Variants in WDR90 observed in about 807,000 individuals in gnomAD.
The protein encoded by WDR90 is WD repeat domain 90, also known as WD repeat-containing protein 90.
A neutral mutation model predicts 195.2 loss-of-function variants in WDR90; 238 were observed. The ratio of observed to expected loss-of-function variants is 1.22; its 90% CI spans 1.10 to 1.36. The LOEUF is 1.36. Ranked by LOEUF, WDR90 falls within the 40% of genes most tolerant of loss-of-function variation. WDR90 has a pLI of 0.00. For synonymous variants in WDR90, 1,265 were observed against 1,052.4 expected (o/e 1.20, Z -3.91); for missense variants, 2,734 against 2,439.5 (o/e 1.12, Z -2.54).
Position 661,960 on chromosome 16 carries a change from C to A in WDR90, c.3934C>A (p.Pro1312Thr), listed in dbSNP as rs746221026. Reference protein sequence around the residue: ...ELTSLCYGAPPLLYCGTSSGQ... With the variant: ...ELTSLCYGAPTLLYCGTSSGQ... ...GACCTCGCTCTGCTACGGGGCACCT[C>A]CCCTGCTCTATTGTGGCACCAGCTC... Residue 1312 changes from proline to threonine, a missense_variant, in exon 32 of 41, where the codon CCC becomes ACC. By Grantham distance (38) the Pro-to-Thr change is conservative. Coordinates refer to ENST00000293879, the MANE Select transcript of WDR90 (RefSeq NM_145294.5). 3.7e-6 allele frequency: 6 copies of A among 1,607,274 alleles called. No individual in the cohort carries two copies. Among genetic ancestry groups the A allele is most frequent in the Non-Finnish European group, 5.1e-6 (6 of 1,179,900 alleles).
chr16:661,398 C>G lies in WDR90; in HGVS notation c.3570C>G (p.Val1190=), dbSNP rs746506027. The G allele has an allele frequency of 5.6e-6, 9 of 1,612,056 alleles. No homozygotes were observed. The South Asian group carries it at 9.9e-5, about 18-fold the overall frequency. Residue 1190 remains valine (V), a synonymous_variant, in exon 30 of 41, where the codon GTC becomes GTG. Coordinates refer to ENST00000293879, the MANE Select transcript of WDR90 (RefSeq NM_145294.5). The stretch of plus-strand genomic sequence containing the variant: ...CGACCGCCCATTGTCAGATCCGCGT[C>G]TGGGACGTGTCTGGCGGCCTCTGCC... The part of the protein sequence containing the change: ...SSTTAHCQIR[V]WDVSGGLCQH...
intron 27 of WDR90, 47 bp downstream of exon 27, chr16:660,208 AG>A (rs777380751): frequency 9.2e-5 from 133 of 1,446,066 alleles, no homozygotes; most frequent in Non-Finnish European, 1.1e-4. Context: ...GCAAGCACAG[AG>A]GCCCCCCGCA....
chr16:661,395 C>T lies in WDR90; in HGVS notation c.3567C>T (p.Arg1189=), dbSNP rs373008237. ...RSSTTAHCQI[R]VWDVSGGLCQ... ...GCACGACCGCCCATTGTCAGATCCG[C>T]GTCTGGGACGTGTCTGGCGGCCTCT... is the stretch of plus-strand genomic sequence containing the variant. Residue 1189 remains arginine (R), a synonymous_variant, in exon 30 of 41, where the codon CGC becomes CGT. Coordinates refer to ENST00000293879, the MANE Select transcript of WDR90 (RefSeq NM_145294.5). 3.0e-5 allele frequency: 48 copies of T among 1,611,658 alleles called. No homozygotes were observed. Among genetic ancestry groups the T allele is most frequent in the East Asian group, 1.3e-4 (6 of 44,862 alleles).
chr16:656,374 G>A lies in WDR90; in HGVS notation c.2039G>A (p.Gly680Asp), dbSNP rs1358891074. 1 of 1,609,256 alleles carries A rather than the reference G, an allele frequency of 6.2e-7. No homozygotes were observed. The highest frequency in any genetic ancestry group is 2.2e-5 in the East Asian group (1 of 44,844). Reference sequence around the variant, plus strand: ...CGTGTGCTGTCTGCCACCTCCTCGGGCCACCTGGGCTTCCTGGACACGCTG... The same window carrying A: ...CGTGTGCTGTCTGCCACCTCCTCGGACCACCTGGGCTTCCTGGACACGCTG... ...GLRVLSATSSGHLGFLDTLSR... is the reference protein window; with the variant it reads ...GLRVLSATSSDHLGFLDTLSR... The change falls in exon 18 of 41, where the codon GGC (glycine) becomes GAC (aspartate). Residue 680 changes from glycine to aspartate, a missense_variant. Physicochemically the swap from Gly to Asp is moderately conservative, Grantham distance 94. Transcript: ENST00000293879.
At chr16:649,453 AGGATCCCGGGTTCCG>A in intron 1 of WDR90, 27 bp downstream of exon 1, 1 of 1,296,078 alleles carries the variant, frequency 7.7e-7, no homozygotes, top group Admixed American at 4.2e-5. Context: ...GGGGGTCCCG[AGGATCCCGGGTTCCG>A]GGGTTCCGGG....
At chr16:661,848 C>G (rs764196927) in intron 31 of WDR90, 43 bp from the exon 32 acceptor site, 2 of 1,592,578 alleles carry the variant, frequency 1.3e-6, no homozygotes, top group Admixed American at 1.7e-5. Flanking sequence ...CTGCCTGGGC[C>G]CCGGGACACT....
In WDR90 at chr16:651,812, C is replaced by T. The variant is rs781571742; in HGVS notation, c.841-15C>T. 2.5e-6 allele frequency: 4 copies of T among 1,611,246 alleles called. No individual in the cohort carries two copies. In the Admixed American group the frequency reaches 6.7e-5, roughly 27 times the overall value. On this transcript the variant is annotated splice_polypyrimidine_tract_variant and intron_variant, in intron 8 of 40. Transcript: ENST00000293879. ...TGATGGCCCAGGACGCTGATGGGCA[C>T]TTGTCCCCCAGCAGTCCGGCCGGGC...
At chr16:649,583 C>T (rs2037596184) in intron 1 of WDR90, 157 bp downstream of exon 1, 1 of 1,176,476 alleles carries the variant, frequency 8.5e-7, no homozygotes, top group African/African-American at 1.6e-5. Context: ...CCTCGGGCTC[C>T]CGGAGCTTGG....
rs995422588 is a variant in WDR90 at position 653,764 on chromosome 16, C to T, written c.1398C>T (p.Ala466=). 1 of 1,613,142 alleles carries T rather than the reference C, an allele frequency of 6.2e-7. No individual in the cohort carries two copies. Among genetic ancestry groups the T allele is most frequent in the East Asian group, 2.2e-5 (1 of 44,896 alleles). Residue 466 remains alanine (A), a synonymous_variant, in exon 13 of 41, where the codon GCC becomes GCT. Transcript: ENST00000293879. ...VCSLSFSDSG[A]LLCGVGKDHH... is the part of the protein sequence containing the mutation. Reference sequence around the variant, plus strand: ...TTCACAGCTTCTCTGACAGCGGGGCCCTTCTCTGCGGGGTTGGCAAGGACC... The same window carrying T: ...TTCACAGCTTCTCTGACAGCGGGGCTCTTCTCTGCGGGGTTGGCAAGGACC...
At chr16:653,973 C>A in intron 13 of WDR90, 170 bp downstream of exon 13, 1 of 829,122 alleles carries the variant, frequency 1.2e-6, no homozygotes, top group Non-Finnish European at 1.8e-6. Flanking sequence ...CCCCCGTGCC[C>A]TGCACAAAAA....
Position 665,399 on chromosome 16 carries a change from C to T in WDR90, c.4312-280C>T, listed in dbSNP as rs371449107. 529 of 587,030 alleles carry T rather than the reference C, an allele frequency of 9.0e-4. 5 individuals are homozygous for T. Among genetic ancestry groups the T allele is most frequent in the African/African-American group, 8.0e-3 (425 of 53,300 alleles). 36.4% of individuals were successfully genotyped at this position (587,030 alleles called of 1,614,324 possible). On this transcript the variant is annotated intron_variant, in intron 34 of 40. Transcript: ENST00000293879. ...GTAGCCTGCTAGGGATGCACGGCCA[C>T]GCTCCTGTCTTTGAGGTGCTGTCAG...
At position 665,763 on chromosome 16, in the gene WDR90, A is replaced by G. The variant is rs896060765; in HGVS notation, c.4396A>G (p.Ser1466Gly). ...GAGTGTGCGGGTGTGGGCCTTGGCC[A>G]GCATGGAGCTTGTGATCCAGTTCCA... Reference protein sequence around the residue: ...DGSVRVWALASMELVIQFQVL... With the variant: ...DGSVRVWALAGMELVIQFQVL... Residue 1466 changes from serine (S) to glycine (G), a missense_variant, in exon 35 of 41, where the codon AGC (serine) becomes GGC (glycine). Physicochemically the swap from Ser to Gly is moderately conservative, Grantham distance 56. Coordinates refer to ENST00000293879, the MANE Select transcript of WDR90 (RefSeq NM_145294.5). 6 of 1,601,630 alleles carry G rather than the reference A, an allele frequency of 3.7e-6. No homozygotes were observed. Among genetic ancestry groups the G allele is most frequent in the Non-Finnish European group, 4.3e-6 (5 of 1,172,100 alleles).
At position 660,719 on chromosome 16, in the gene WDR90, G is replaced by A. The variant is rs987796887; in HGVS notation, c.3391+5G>A. ...TGGTCTGGAGGCCGGACACAGGTGG[G>A]GGCCAAGAGCCTACCCCCACCCCCA... On this transcript the variant is annotated splice_donor_5th_base_variant and intron_variant, in intron 28 of 40. Transcript: ENST00000293879. 2.7e-5 allele frequency: 42 copies of A among 1,552,778 alleles called. No individual in the cohort carries two copies. Among genetic ancestry groups the A allele is most frequent in the Non-Finnish European group, 3.4e-5 (39 of 1,146,434 alleles).
chr16:662,757 C>G lies in WDR90; in HGVS notation c.4224C>G (p.Gly1408=), dbSNP rs749258865. The change falls in exon 34 of 41, where the codon GGC becomes GGG. Residue 1408 remains glycine (G), a synonymous_variant. Coordinates refer to ENST00000293879, the MANE Select transcript of WDR90 (RefSeq NM_145294.5). ...SASFDDSVDM[G]VVGTTAGTLW... is the part of the protein sequence containing the mutation. ...GCTTCGATGACAGCGTGGACATGGG[C>G]GTCGTGGGCACCACGGCGGGCACGC... is the stretch of plus-strand genomic sequence containing the variant. 6.2e-7 allele frequency: 1 copy of G among 1,606,276 alleles called. No individual in the cohort carries two copies. The highest frequency in any genetic ancestry group is 2.2e-5 in the East Asian group (1 of 44,706).
intron 9 of WDR90, 24 bp downstream of exon 9, chr16:652,063 C>CG: frequency 6.4e-7 from 1 of 1,564,906 alleles, no homozygotes; most frequent in African/African-American, 1.3e-5. Context: ...CCACAGCAGG[C>CG]GGGGCCTGGT....
intron 10 of WDR90, among the ~76,000 whole-genome samples, chr16:652,743 G>C (rs2037671526): frequency 6.6e-6 from 1 of 152,226 alleles, no homozygotes; most frequent in Non-Finnish European, 1.5e-5. Context: ...GTCACCTCCT[G>C]GTGCCCGGGG....
At chr16:656,919 G>A (rs370130200) in intron 19 of WDR90, 48 bp downstream of exon 19, 2 of 1,591,986 alleles carry the variant, frequency 1.3e-6, no homozygotes, top group Non-Finnish European at 1.7e-6. Flanking sequence ...CACGGTGGAA[G>A]CTGGGGTGGC....
At chr16:656,609 G>A (rs1391808640) in intron 18 of WDR90, 72 bp downstream of exon 18, 3 of 1,575,976 alleles carry the variant, frequency 1.9e-6, no homozygotes, top group African/African-American at 1.3e-5. Context: ...CAGCGGGGGT[G>A]AGAGGGGCCT....
chr16:660,414 G>T (rs1208041064), intron 27 of WDR90, 198 bp from the exon 28 acceptor site: 42 of 648,978 alleles, frequency 6.5e-5, no homozygotes, highest in Non-Finnish European at 1.1e-4. Context: ...CTTGATGAGA[G>T]CCCCACGGGC....
Sources: allele counts gnomAD v4.1 joint callset (sites outside exome capture counted in the v4.1 genomes callset), GRCh38; gene constraint gnomAD v4.1.1; transcripts MANE v1.5; gene names NCBI Gene and HGNC (gene_info 2026-07-23, HGNC 2026-07-21).